The following CSMD1 variants were observed in gnomAD, a reference collection of about 807,000 sequenced individuals.
CSMD1 encodes the protein CUB and sushi domain-containing protein 1.
CSMD1 carries 213 observed loss-of-function variants against 417.5 expected under a neutral mutation model. That is an observed-to-expected ratio of 0.51 (90% CI 0.46 to 0.57). The LOEUF (loss-of-function observed/expected upper bound fraction) is 0.57. CSMD1 is among the 20% of genes least tolerant of loss of function. The probability of loss-of-function intolerance (pLI) is 0.00; values close to 1 mark genes in which losing one functional copy is unlikely to be tolerated. For synonymous variants in CSMD1, 2,862 were observed against 1,736.8 expected, an observed-to-expected ratio of 1.65 and a Z score of -16.11; for missense variants, 6,923 against 4,529.7, an observed-to-expected ratio of 1.53 and a Z score of -15.17.
chr8:3,928,798 G>C lies in CSMD1; in HGVS notation c.818+69105C>G, dbSNP rs1809933754. On this transcript the variant is annotated intron_variant, in intron 5 of 69. Transcript: ENST00000635120. Reference sequence around the variant, plus strand: ...ACCCACCCCGCCCACCCCCGGGCCAGTTCTATGCATTCCCAGCGATTCCAC... The same window carrying C: ...ACCCACCCCGCCCACCCCCGGGCCACTTCTATGCATTCCCAGCGATTCCAC... 3.9e-5 allele frequency among the ~76,000 whole-genome samples: 4 copies of C among 102,140 alleles called. No homozygotes were observed. In the Admixed American group the frequency reaches 6.0e-4, roughly 15 times the overall value. 67.0% of individuals were successfully genotyped at this position (102,140 alleles called of 152,430 possible).
intron 3 of CSMD1, among the ~76,000 whole-genome samples, chr8:4,380,622 G>A (rs1040589276): frequency 4.6e-5 from 7 of 152,098 alleles, no homozygotes; most frequent in Admixed American, 6.6e-5. Context: ...AATGCGGTAC[G>A]GACTGTAGTC....
intron 57 of CSMD1, among the ~76,000 whole-genome samples, chr8:2,967,880 C>G (rs906275231): frequency 1.3e-5 from 2 of 152,130 alleles, no homozygotes; most frequent in Non-Finnish European, 2.9e-5. Flanking sequence ...AGCACTTGTG[C>G]TCAGGTTGAA....
intron 3 of CSMD1, among the ~76,000 whole-genome samples, chr8:4,113,962 T>C (rs1478280695): frequency 2.0e-5 from 3 of 152,184 alleles, no homozygotes; most frequent in African/African-American, 7.2e-5. Context: ...CTCCATAATA[T>C]AAAAGTTCCA....
chr8:3,918,600 C>T (rs757412480), intron 5 of CSMD1, among the ~76,000 whole-genome samples: 11 of 151,900 alleles, frequency 7.2e-5, no homozygotes, highest in East Asian at 3.9e-4. Context: ...TTATTGAATA[C>T]GTGGTTTGCA....
intron 3 of CSMD1, among the ~76,000 whole-genome samples, chr8:4,084,822 A>G (rs1364046535): frequency 6.6e-6 from 1 of 151,658 alleles, no homozygotes; most frequent in Non-Finnish European, 1.5e-5. Flanking sequence ...CAGTGCCTCA[A>G]GACAGCTCTG....
intron 5 of CSMD1, among the ~76,000 whole-genome samples, chr8:3,978,125 G>T (rs1178065865): frequency 6.6e-6 from 1 of 152,166 alleles, no homozygotes; most frequent in Non-Finnish European, 1.5e-5. Context: ...AAAACGAAAA[G>T]CAAGCCCTGC....
chr8:3,057,494 C>T (rs1254374453), intron 49 of CSMD1, among the ~76,000 whole-genome samples: 24 of 151,982 alleles, frequency 1.6e-4, no homozygotes, highest in Admixed American at 1.6e-3. Context: ...ACACTTATAG[C>T]TATATGTCTG....
chr8:3,134,323 C>G (rs935290429), intron 41 of CSMD1, among the ~76,000 whole-genome samples: 1 of 152,198 alleles, frequency 6.6e-6, no homozygotes, highest in Non-Finnish European at 1.5e-5. Context: ...CCTGGATCTG[C>G]AAGAGGCAAT....
At chr8:3,224,977 A>G (rs554881624) in intron 27 of CSMD1, among the ~76,000 whole-genome samples, 1 of 152,334 alleles carries the variant, frequency 6.6e-6, no homozygotes, top group Non-Finnish European at 1.5e-5. Context: ...CTACAATTAA[A>G]TCATAGTATT....
At chr8:4,312,431 A>ACGTG (rs1221721810) in intron 3 of CSMD1, among the ~76,000 whole-genome samples, 11 of 139,568 alleles carry the variant, frequency 7.9e-5, no homozygotes, top group Admixed American at 2.8e-4. Flanking sequence ...GCGCGTATAT[A>ACGTG]TATATGCGTA....
At chr8:4,681,344 AC>A (rs1360727855) in intron 1 of CSMD1, among the ~76,000 whole-genome samples, 2 of 152,122 alleles carry the variant, frequency 1.3e-5, no homozygotes, top group African/African-American at 4.8e-5. Flanking sequence ...TGGTGTTGAA[AC>A]CACCAATATG....
intron 26 of CSMD1, among the ~76,000 whole-genome samples, chr8:3,261,215 T>C (rs1801036426): frequency 6.6e-6 from 1 of 152,150 alleles, no homozygotes; most frequent in South Asian, 2.1e-4. Flanking sequence ...CTGTAAAATA[T>C]CAAATGTTGC....
intron 7 of CSMD1, among the ~76,000 whole-genome samples, chr8:3,665,611 A>G (rs1283724944): frequency 2.6e-5 from 4 of 152,214 alleles, no homozygotes; most frequent in Non-Finnish European, 4.4e-5. Flanking sequence ...TAATTGACTC[A>G]GTAGGGTTCT....
At chr8:3,217,791 T>C (rs1244803805) in intron 29 of CSMD1, among the ~76,000 whole-genome samples, 1 of 152,168 alleles carries the variant, frequency 6.6e-6, no homozygotes, top group Non-Finnish European at 1.5e-5. Context: ...AAACCAATTT[T>C]CTACTTAAAA....
chr8:3,308,534 A>T, intron 23 of CSMD1, 31 bp from the exon 24 acceptor site: 1 of 1,568,314 alleles, frequency 6.4e-7, no homozygotes, highest in Non-Finnish European at 8.7e-7. Flanking sequence ...GAATGAACAG[A>T]ACTCAAGGGT....
chr8:4,858,491 G>A (rs562061035), intron 1 of CSMD1, among the ~76,000 whole-genome samples: 66 of 151,536 alleles, frequency 4.4e-4, no homozygotes, highest in African/African-American at 1.5e-3. Flanking sequence ...GTTTGCAGAC[G>A]ACATGATTGT....
At chr8:3,435,876 C>A (rs1401578930) in intron 12 of CSMD1, among the ~76,000 whole-genome samples, 2 of 152,242 alleles carry the variant, frequency 1.3e-5, no homozygotes, top group African/African-American at 4.8e-5. Context: ...GCTTCTGCCC[C>A]ACTGGAAAGA....
chr8:3,426,231 T>C (rs1228527977), intron 12 of CSMD1, among the ~76,000 whole-genome samples: 3 of 152,186 alleles, frequency 2.0e-5, no homozygotes, highest in African/African-American at 7.2e-5. Flanking sequence ...CTCAGTAATA[T>C]ACACACTACT....
At chr8:4,408,037 C>A (rs1193316735) in intron 3 of CSMD1, among the ~76,000 whole-genome samples, 1 of 152,166 alleles carries the variant, frequency 6.6e-6, no homozygotes, top group Non-Finnish European at 1.5e-5. Context: ...CACCCTCCTC[C>A]CCTCCCCAAA....
Sources: gnomAD v4.1 joint callset for allele counts (sites outside exome capture counted in the v4.1 genomes callset) on GRCh38, gnomAD v4.1.1 for gene constraint, MANE v1.5 for transcripts, NCBI Gene and HGNC (gene_info 2026-07-23, HGNC 2026-07-21) for gene names.